BBX: variants seen among roughly 807,000 people sequenced by gnomAD.
BBX encodes HMG box transcription factor BBX.
Under a neutral mutation model 100.2 loss-of-function variants are expected in BBX, and 30 were observed. The observed-to-expected ratio is 0.30, with a 90% CI of 0.22 to 0.41. BBX has a LOEUF of 0.41. Among genes scored for constraint, BBX ranks in the 10% least tolerant of loss-of-function variants. BBX has a pLI of 1.00. For synonymous variants in BBX, 376 were observed against 388.1 expected (o/e 0.97, Z 0.37); for missense variants, 1,023 against 1,129.8 (o/e 0.91, Z 1.35).
intron 2 of BBX, among the ~76,000 whole-genome samples, chr3:107,581,836 A>C (rs976679756): frequency 6.6e-6 from 1 of 152,168 alleles, no homozygotes; most frequent in Admixed American, 6.5e-5. Flanking sequence ...GTTGGCTGAT[A>C]TTTTTAGAAA....
chr3:107,691,958 A>T (rs1168961228), intron 3 of BBX, among the ~76,000 whole-genome samples: 1 of 152,090 alleles, frequency 6.6e-6, no homozygotes, highest in Admixed American at 6.5e-5. Context: ...AACCATTAAG[A>T]TTGAGAAGTT....
At chr3:107,763,346 T>G (rs113925090) in intron 10 of BBX, among the ~76,000 whole-genome samples, 53 of 152,020 alleles carry the variant, frequency 3.5e-4, no homozygotes, top group African/African-American at 1.2e-3. Context: ...TGCCTCAGCC[T>G]CCCTTACTTT....
intron 2 of BBX, among the ~76,000 whole-genome samples, chr3:107,620,048 T>G (rs1382819599): frequency 2.6e-5 from 4 of 152,298 alleles, no homozygotes; most frequent in Admixed American, 2.0e-4. Context: ...TACTGTTTCA[T>G]AGGTCCCTGA....
intron 4 of BBX, among the ~76,000 whole-genome samples, chr3:107,713,743 C>T (rs2061885414): frequency 6.6e-6 from 1 of 151,994 alleles, no homozygotes; most frequent in Admixed American, 6.5e-5. Flanking sequence ...TGGCAGAGCA[C>T]ATTCTTCATG....
At chr3:107,597,051 A>G (rs2053713260) in intron 2 of BBX, among the ~76,000 whole-genome samples, 1 of 152,210 alleles carries the variant, frequency 6.6e-6, no homozygotes, top group Non-Finnish European at 1.5e-5. Context: ...TTTTCATCGT[A>G]AGTCTAAATC....
At chr3:107,561,237 T>C (rs1349961322) in intron 2 of BBX, among the ~76,000 whole-genome samples, 1 of 152,226 alleles carries the variant, frequency 6.6e-6, no homozygotes, top group East Asian at 1.9e-4. Context: ...TTTGAGAAAC[T>C]GATTTTTTAA....
chr3:107,690,202 TA>T (rs1241152928), intron 3 of BBX, among the ~76,000 whole-genome samples: 2 of 152,212 alleles, frequency 1.3e-5, no homozygotes, highest in Non-Finnish European at 2.9e-5. Context: ...ACTTTATTAT[TA>T]TATTATAATC....
chr3:107,584,042 A>G (rs1171053357), intron 2 of BBX, among the ~76,000 whole-genome samples: 1 of 45,006 alleles, frequency 2.2e-5, no homozygotes, highest in African/African-American at 1.1e-4. Context: ...TTAATTATAT[A>G]TATTATATAT....
intron 3 of BBX, among the ~76,000 whole-genome samples, chr3:107,698,669 C>A (rs1050364354): frequency 2.0e-5 from 3 of 150,164 alleles, no homozygotes; most frequent in Admixed American, 2.0e-4. Context: ...AAAAAAAATT[C>A]CAAGGGCTCT....
chr3:107,618,547 C>T (rs911993339), intron 2 of BBX, among the ~76,000 whole-genome samples: 6 of 151,948 alleles, frequency 3.9e-5, no homozygotes, highest in Non-Finnish European at 7.4e-5. Context: ...TACAGGTTCC[C>T]GTTTGAGCAT....
chr3:107,802,002 C>A (rs948612696), intron 17 of BBX, among the ~76,000 whole-genome samples: 1 of 152,142 alleles, frequency 6.6e-6, no homozygotes, highest in Non-Finnish European at 1.5e-5. Flanking sequence ...ATGTGAAAAC[C>A]CTTTGAACTC....
chr3:107,559,358 T>C (rs1044049411), intron 2 of BBX, among the ~76,000 whole-genome samples: 1 of 152,086 alleles, frequency 6.6e-6, no homozygotes, highest in African/African-American at 2.4e-5. Context: ...GCAATTAAAC[T>C]GGAAAAGAAA....
chr3:107,730,650 A>G (rs1442648423), intron 6 of BBX, among the ~76,000 whole-genome samples: 2 of 152,196 alleles, frequency 1.3e-5, no homozygotes, highest in African/African-American at 4.8e-5. Context: ...CCACACTTCA[A>G]ACAAGATCTT....
At position 107,804,598 on chromosome 3, in the gene BBX, C is replaced by T. The variant is rs560044837; in HGVS notation, c.2739-772C>T. On this transcript the variant is annotated intron_variant, in intron 17 of 17. Coordinates refer to ENST00000325805, the MANE Select transcript of BBX (RefSeq NM_001142568.3). Reference sequence around the variant, plus strand: ...ATTATACAAAAGCTGAATGAAAAATCAGCTATGTTTGGCATAGGTTCTATC... The same window carrying T: ...ATTATACAAAAGCTGAATGAAAAATTAGCTATGTTTGGCATAGGTTCTATC... 1.2e-3 allele frequency among the ~76,000 whole-genome samples: 178 copies of T among 152,274 alleles called. 3 individuals carry two copies. The highest frequency in any genetic ancestry group is 1.9e-4 in the East Asian group (1 of 5,176).
intron 2 of BBX, among the ~76,000 whole-genome samples, chr3:107,558,315 C>T (rs1226546241): frequency 2.6e-5 from 4 of 152,144 alleles, no homozygotes; most frequent in East Asian, 1.9e-4. Context: ...GGAGAAACCC[C>T]GTTTCTACTA....
chr3:107,699,697 CAAAG>C (rs1397846360), intron 3 of BBX, among the ~76,000 whole-genome samples: 1 of 151,772 alleles, frequency 6.6e-6, no homozygotes, highest in Non-Finnish European at 1.5e-5. Flanking sequence ...GAGAAACTTG[CAAAG>C]AAAGATAGGC....
At chr3:107,586,208 T>A (rs1399511457) in intron 2 of BBX, among the ~76,000 whole-genome samples, 2 of 152,160 alleles carry the variant, frequency 1.3e-5, no homozygotes, top group Non-Finnish European at 2.9e-5. Flanking sequence ...TATATATTAT[T>A]AACTAACTTG....
chr3:107,557,916 A>G (rs754375739), intron 2 of BBX, among the ~76,000 whole-genome samples: 2 of 152,250 alleles, frequency 1.3e-5, no homozygotes, highest in Non-Finnish European at 2.9e-5. Context: ...AAGCAGGATG[A>G]GGAGGGCAGT....
In BBX at chr3:107,532,410, A is replaced by C. The variant is rs527462234; in HGVS notation, c.-84+6012A>C. 1.3e-3 allele frequency among the ~76,000 whole-genome samples: 199 copies of C among 152,350 alleles called. No homozygotes were observed. In the Middle Eastern group the frequency reaches 0.014, roughly 10 times the overall value. On this transcript the variant is annotated intron_variant, in intron 2 of 17. Coordinates refer to ENST00000325805, the MANE Select transcript of BBX (RefSeq NM_001142568.3). ...AACTTCGAATATACTTAATAAACAC[A>C]TGGAAAATTGTAAATTATGGTACTT...
Sources: gnomAD v4.1 joint callset for allele counts (sites outside exome capture counted in the v4.1 genomes callset) on GRCh38, gnomAD v4.1.1 for gene constraint, MANE v1.5 for transcripts, NCBI Gene and HGNC (gene_info 2026-07-23, HGNC 2026-07-21) for gene names.